The following SCIN variants were observed in gnomAD, a reference collection of about 807,000 sequenced individuals.
SCIN encodes scinderin.
Under a neutral mutation model 91.8 loss-of-function variants are expected in SCIN, and 91 were observed. The ratio of observed to expected loss-of-function variants is 0.99; its 90% CI spans 0.84 to 1.18. The LOEUF is 1.18. Among genes scored for constraint, SCIN ranks in the 50% most tolerant of loss-of-function variants. SCIN has a pLI of 0.00. For synonymous variants in SCIN, 367 were observed against 312.6 expected, an observed-to-expected ratio of 1.17 and a Z score of -1.84; for missense variants, 1,087 against 863.9, an observed-to-expected ratio of 1.26 and a Z score of -3.24.
At chr7:12,579,690 C>T (rs1262682710) in intron 2 of SCIN, among the ~76,000 whole-genome samples, 5 of 152,128 alleles carry the variant, frequency 3.3e-5, no homozygotes, top group African/African-American at 7.2e-5. Flanking sequence ...CCAAAGCAGA[C>T]GGATCACCTG....
intron 5 of SCIN, among the ~76,000 whole-genome samples, chr7:12,623,256 A>T (rs970069373): frequency 6.6e-6 from 1 of 152,172 alleles, no homozygotes; most frequent in Non-Finnish European, 1.5e-5. Flanking sequence ...AAGAATGTAA[A>T]GTCTTCACCC....
intron 4 of SCIN, among the ~76,000 whole-genome samples, chr7:12,608,761 G>C (rs1003967901): frequency 6.6e-6 from 1 of 152,182 alleles, no homozygotes; most frequent in Non-Finnish European, 1.5e-5. Context: ...ACAGATGTGA[G>C]CCTACGCACC....
rs935982564 is a variant in SCIN, at chr7:12,658,954, TTTTTG to T, written c.*6255_*6259del. On this transcript the variant is annotated 3_prime_UTR_variant, in exon 16 of 16. Coordinates refer to ENST00000297029, the MANE Select transcript of SCIN (RefSeq NM_001112706.3). ...TTATGTTTTTTGTTGTTGTTGTTTG[TTTTTG>T]TTTTGTTTTGTTTTGAGATGGAGTC... 3 of 151,686 alleles carry T rather than the reference TTTTTG, an allele frequency of 2.0e-5. No homozygotes were observed. The highest frequency in any genetic ancestry group is 2.9e-5 in the Non-Finnish European group (2 of 68,120). The allele number at this position is 151,686 out of a possible 1,614,324, so 9.4% of individuals were successfully genotyped here. A position where few individuals can be genotyped will look rare whatever the true frequency, so the allele number is the denominator to read the frequency against.
At chr7:12,631,089 T>C (rs1259976190) in intron 9 of SCIN, among the ~76,000 whole-genome samples, 1 of 152,228 alleles carries the variant, frequency 6.6e-6, no homozygotes, top group Non-Finnish European at 1.5e-5. Flanking sequence ...TTTGAGGAAT[T>C]AACAGTTTGC....
intron 10 of SCIN, among the ~76,000 whole-genome samples, 154 bp from the exon 11 acceptor site, chr7:12,640,193 C>T (rs1410895096): frequency 1.3e-5 from 2 of 152,174 alleles, no homozygotes; most frequent in Non-Finnish European, 2.9e-5. Flanking sequence ...TTATCATTAA[C>T]CTATATGTTC....
At chr7:12,627,699 T>C (rs1442518099) in intron 8 of SCIN, among the ~76,000 whole-genome samples, 1 of 152,200 alleles carries the variant, frequency 6.6e-6, no homozygotes, top group African/African-American at 2.4e-5. Context: ...ATGTCCCTCA[T>C]GGCTGTTGTC....
chr7:12,640,594 C>A, intron 11 of SCIN, 77 bp downstream of exon 11: 1 of 1,292,784 alleles, frequency 7.7e-7, no homozygotes, highest in Non-Finnish European at 1.0e-6. Flanking sequence ...AAATATTAGA[C>A]TTTAAAAACT....
intron 2 of SCIN, 77 bp downstream of exon 2, chr7:12,578,295 A>T: frequency 1.5e-6 from 2 of 1,343,728 alleles, no homozygotes; most frequent in Non-Finnish European, 2.0e-6. Flanking sequence ...TCATAGAATG[A>T]CAGTTCGTTG....
rs959053460 is a variant in SCIN, at chr7:12,651,359, A to T, written c.1960-482A>T. Among the ~76,000 whole-genome samples, 3 of 152,236 alleles carry T rather than the reference A, an allele frequency of 2.0e-5. No individual in the cohort carries two copies. The highest frequency in any genetic ancestry group is 2.9e-5 in the Non-Finnish European group (2 of 68,040). On this transcript the variant is annotated intron_variant, in intron 14 of 15. Transcript: ENST00000297029. This position sits in a 1 kb window ranked among gnomAD's most constrained non-coding sequence, Gnocchi z 5.9. ...AGAAAGTCCGGCTGCACCACTGCAG[A>T]TTCTCTACAGATGCAGATCTTCCCC...
chr7:12,571,206 C>T (rs1285844289), intron 1 of SCIN: 12 of 580,448 alleles, frequency 2.1e-5, no homozygotes, highest in Non-Finnish European at 6.1e-6. Flanking sequence ...ATTGACTTAC[C>T]TCGCAGGCTT....
intron 9 of SCIN, among the ~76,000 whole-genome samples, chr7:12,629,700 G>A (rs1239892212): frequency 6.6e-6 from 1 of 152,056 alleles, no homozygotes; most frequent in Non-Finnish European, 1.5e-5. Context: ...AAATTCACAA[G>A]AATAATGGAA....
chr7:12,603,745 G>T (rs966975772), intron 3 of SCIN, among the ~76,000 whole-genome samples: 1 of 151,844 alleles, frequency 6.6e-6, no homozygotes, highest in African/African-American at 2.4e-5. Flanking sequence ...ATTCTGTTTC[G>T]ACTTTTTCAT....
At position 12,657,572 on chromosome 7, in the gene SCIN, A is replaced by ATTTTTTTTTTTTTT. The variant is rs71030521; in HGVS notation, c.*4870_*4883dup. 1 of 22,088 alleles carries ATTTTTTTTTTTTTT rather than the reference A, an allele frequency of 4.5e-5. No individual in the cohort carries two copies. 1.4% of individuals were successfully genotyped at this position (22,088 alleles called of 1,614,324 possible). The stretch of plus-strand genomic sequence containing the variant: ...TATATATATATATATATATATATAT[A>ATTTTTTTTTTTTTT]TTTTTTTTTTTTTTTTTTTTTTTTT... On this transcript the variant is annotated 3_prime_UTR_variant, in exon 16 of 16. Coordinates refer to ENST00000297029, the MANE Select transcript of SCIN (RefSeq NM_001112706.3).
chr7:12,642,055 A>G (rs1323529048), intron 11 of SCIN, among the ~76,000 whole-genome samples: 1 of 151,494 alleles, frequency 6.6e-6, no homozygotes, highest in Non-Finnish European at 1.5e-5. Flanking sequence ...TTGTAAGTGA[A>G]TATTATATAC....
At chr7:12,638,535 C>T (rs1783797859) in intron 10 of SCIN, among the ~76,000 whole-genome samples, 1 of 152,192 alleles carries the variant, frequency 6.6e-6, no homozygotes, top group Non-Finnish European at 1.5e-5. Context: ...TTCCTGATGT[C>T]AAGGGAGCTA....
rs1554295148 is a variant in SCIN, at chr7:12,622,914, T to G, written c.759+21T>G. 71 of 1,572,880 alleles carry G rather than the reference T, an allele frequency of 4.5e-5. 3 individuals carry two copies. In the South Asian group the frequency reaches 7.6e-4, roughly 17 times the overall value. ...ACATGGTGAGTTCACTGTAACCAAA[T>G]TTATTGTTTCAACAGTACTGGATGT... On this transcript the variant is annotated intron_variant, in intron 5 of 15. Transcript: ENST00000297029.
At chr7:12,577,558 A>G (rs1782397750) in intron 1 of SCIN, 1 of 456,554 alleles carries the variant, frequency 2.2e-6, no homozygotes, top group South Asian at 1.5e-5. Context: ...GAAAAAGCAG[A>G]AACAAAAACA....
chr7:12,628,903 A>G (rs552230860), intron 8 of SCIN, among the ~76,000 whole-genome samples, 198 bp from the exon 9 acceptor site: 65 of 152,320 alleles, frequency 4.3e-4, no homozygotes, highest in African/African-American at 1.5e-3. Context: ...AGAGGAAGCA[A>G]AAGACACATA....
rs1782415956 is a variant in SCIN, at chr7:12,578,228, T to C, written c.354+10T>C. On this transcript the variant is annotated intron_variant, in intron 2 of 15. Transcript: ENST00000297029. ...CGGTCTGAAATACAAGGTAAGCAGC[T>C]CCCTCAGTTTCCATTATGAATCCCT... The C allele has an allele frequency of 1.3e-6, 2 of 1,541,028 alleles. No individual in the cohort carries two copies. The highest frequency in any genetic ancestry group is 1.8e-6 in the Non-Finnish European group (2 of 1,142,190).
Sources: gnomAD v4.1 joint callset for allele counts (sites outside exome capture counted in the v4.1 genomes callset) on GRCh38, gnomAD v4.1.1 for gene constraint, Gnocchi (gnomAD v3.1) non-coding constraint, MANE v1.5 for transcripts, NCBI Gene and HGNC (gene_info 2026-07-23, HGNC 2026-07-21) for gene names.